ENAH: variants seen among roughly 807,000 people sequenced by gnomAD.
ENAH encodes the protein protein enabled homolog.
ENAH carries 23 observed loss-of-function variants against 78.7 expected under a neutral mutation model. That is an observed-to-expected ratio of 0.29 (90% CI 0.21 to 0.41). The LOEUF (loss-of-function observed/expected upper bound fraction) is 0.41, where lower values mean the gene tolerates loss of function less well. ENAH is among the 10% of genes least tolerant of loss of function. The pLI, the probability that ENAH is intolerant of heterozygous loss-of-function variation, is 1.00. For synonymous variants in ENAH, 226 were observed against 241.0 expected (o/e 0.94, Z 0.58); for missense variants, 544 against 691.0 (o/e 0.79, Z 2.39).
intron 3 of ENAH, among the ~76,000 whole-genome samples, chr1:225,553,947 T>C (rs2096653860): frequency 6.6e-6 from 1 of 152,224 alleles, no homozygotes; most frequent in African/African-American, 2.4e-5. Flanking sequence ...AATTAGTATT[T>C]GACAGACTAA....
chr1:225,488,549 G>A lies in ENAH; in HGVS notation c.*9226C>T, dbSNP rs1168908626. The A allele has an allele frequency of 1.3e-5, 2 of 152,098 alleles. No individual in the cohort carries two copies. The highest frequency in any genetic ancestry group is 4.8e-5 in the African/African-American group (2 of 41,406). The allele number at this position is 152,098 out of a possible 1,614,324, so 9.4% of individuals were successfully genotyped here. A position where few individuals can be genotyped will look rare whatever the true frequency, so the allele number is the denominator to read the frequency against. On this transcript the variant is annotated 3_prime_UTR_variant, in exon 14 of 14. Transcript: ENST00000366843. ...AAAAAAATTCTATGCAAATATGTAA[G>A]TACTGTCATTGAGGATTACAGAAAT...
intron 3 of ENAH, among the ~76,000 whole-genome samples, chr1:225,546,295 T>A (rs886234959): frequency 6.6e-6 from 1 of 152,184 alleles, no homozygotes; most frequent in Non-Finnish European, 1.5e-5. Flanking sequence ...AATTTTCTTT[T>A]TAGTGACTAT....
intron 1 of ENAH, among the ~76,000 whole-genome samples, chr1:225,621,149 A>C (rs1203022748): frequency 6.6e-6 from 1 of 152,208 alleles, no homozygotes; most frequent in African/African-American, 2.4e-5. Context: ...CCACTTGCCT[A>C]ATCATCTTTT....
At chr1:225,584,372 A>G (rs1212849235) in intron 1 of ENAH, among the ~76,000 whole-genome samples, 1 of 152,222 alleles carries the variant, frequency 6.6e-6, no homozygotes, top group African/African-American at 2.4e-5. Context: ...GTAAAAGTGA[A>G]AGCAATAACT....
At chr1:225,541,667 T>C (rs1353311570) in intron 3 of ENAH, among the ~76,000 whole-genome samples, 2 of 152,234 alleles carry the variant, frequency 1.3e-5, no homozygotes, top group Non-Finnish European at 2.9e-5. Context: ...CCTACTGCTT[T>C]TTCCATTTTG....
At chr1:225,527,629 T>C (rs2151235513) in intron 4 of ENAH, among the ~76,000 whole-genome samples, 1 of 152,334 alleles carries the variant, frequency 6.6e-6, no homozygotes, top group East Asian at 1.9e-4. Flanking sequence ...AATATCTCTT[T>C]TATAATTGTA....
At chr1:225,604,531 C>G (rs1457159417) in intron 1 of ENAH, among the ~76,000 whole-genome samples, 1 of 151,438 alleles carries the variant, frequency 6.6e-6, no homozygotes, top group African/African-American at 2.4e-5. Flanking sequence ...CGCCTGTAAT[C>G]TCAGCACTTT....
intron 1 of ENAH, among the ~76,000 whole-genome samples, chr1:225,606,044 A>G (rs2096953974): frequency 6.6e-6 from 1 of 152,180 alleles, no homozygotes; most frequent in Non-Finnish European, 1.5e-5. Flanking sequence ...CCCTTTTATT[A>G]TTATTTTTTA....
intron 1 of ENAH, among the ~76,000 whole-genome samples, chr1:225,622,840 G>A (rs1351479982): frequency 6.6e-6 from 1 of 152,204 alleles, no homozygotes; most frequent in Non-Finnish European, 1.5e-5. Context: ...CAGCTTATAA[G>A]AGCTAGGGGA....
intron 1 of ENAH, among the ~76,000 whole-genome samples, chr1:225,590,952 T>C (rs2096872604): frequency 6.6e-6 from 1 of 152,218 alleles, no homozygotes; most frequent in Non-Finnish European, 1.5e-5. Context: ...TAGGAATAGT[T>C]CAATTAGAAT....
rs2096739842 is a variant in ENAH at position 225,567,327 on chromosome 1, T to C, written c.93A>G (p.Gly31=). The C allele has an allele frequency of 6.2e-7, 1 of 1,614,148 alleles. No individual in the cohort carries two copies. The highest frequency in any genetic ancestry group is 1.3e-5 in the African/African-American group (1 of 75,056). The part of the protein sequence containing the change: ...KKWVPAGGST[G]FSRVHIYHHT... The stretch of plus-strand genomic sequence containing the variant: ...GGTGATAGATATGAACTCTGCTGAA[T>C]CCAGTTGAGCCACCAGCTGGCACCC... Residue 31 remains glycine, a synonymous_variant, in exon 2 of 14, where the codon GGA becomes GGG. Transcript: ENST00000366843.
At chr1:225,576,231 A>G (rs1476347688) in intron 1 of ENAH, among the ~76,000 whole-genome samples, 2 of 148,558 alleles carry the variant, frequency 1.3e-5, no homozygotes, top group African/African-American at 4.9e-5. Context: ...AGTCATGATC[A>G]TGTCACTGCA....
At chr1:225,522,993 C>T (rs541860517) in intron 4 of ENAH, among the ~76,000 whole-genome samples, 1 of 151,820 alleles carries the variant, frequency 6.6e-6, no homozygotes, top group African/African-American at 2.4e-5. Context: ...CTGCCTCAAC[C>T]CTCCCACCCG....
chr1:225,586,615 T>C (rs2096848329), intron 1 of ENAH, among the ~76,000 whole-genome samples: 1 of 152,116 alleles, frequency 6.6e-6, no homozygotes, highest in Non-Finnish European at 1.5e-5. Flanking sequence ...AATATTAAAA[T>C]ACTAACACAT....
chr1:225,561,886 CCTGT>C (rs758661541), intron 2 of ENAH, among the ~76,000 whole-genome samples: 3 of 152,086 alleles, frequency 2.0e-5, no homozygotes, highest in African/African-American at 7.2e-5. Flanking sequence ...ACTATCTTAT[CCTGT>C]CTATGAGGTC....
At chr1:225,600,685 C>T (rs965308359) in intron 1 of ENAH, among the ~76,000 whole-genome samples, 1 of 151,986 alleles carries the variant, frequency 6.6e-6, no homozygotes, top group Non-Finnish European at 1.5e-5. Flanking sequence ...AGGTGAGACT[C>T]TATTTCTACA....
At chr1:225,609,109 A>G (rs1258655950) in intron 1 of ENAH, among the ~76,000 whole-genome samples, 1 of 152,138 alleles carries the variant, frequency 6.6e-6, no homozygotes, top group Non-Finnish European at 1.5e-5. Flanking sequence ...TGAAAATGGT[A>G]AAAATCCCAC....
chr1:225,588,785 T>C (rs916937172), intron 1 of ENAH, among the ~76,000 whole-genome samples: 4 of 110,036 alleles, frequency 3.6e-5, no homozygotes, highest in African/African-American at 7.5e-5. Flanking sequence ...AGCCTGGCAA[T>C]AGAGCAAGTC....
chr1:225,587,290 A>T (rs1438830642), intron 1 of ENAH, among the ~76,000 whole-genome samples: 2 of 152,182 alleles, frequency 1.3e-5, no homozygotes, highest in Non-Finnish European at 2.9e-5. Context: ...ATCCTAAGGA[A>T]TCTACAAAGC....
Sources: allele counts gnomAD v4.1 joint callset (sites outside exome capture counted in the v4.1 genomes callset), GRCh38; gene constraint gnomAD v4.1.1; transcripts MANE v1.5; gene names NCBI Gene and HGNC (gene_info 2026-07-23, HGNC 2026-07-21).